Variants in OSBPL9 observed in about 807,000 individuals in gnomAD.
OSBPL9 encodes the protein oxysterol-binding protein-related protein 9.
In OSBPL9, 40 loss-of-function variants were observed where a neutral mutation model predicts 106.6. The ratio of observed to expected loss-of-function variants is 0.38; its 90% CI spans 0.29 to 0.49. The LOEUF (loss-of-function observed/expected upper bound fraction) is 0.49. OSBPL9 is among the 20% of genes least tolerant of loss of function. The pLI, the probability that OSBPL9 is intolerant of heterozygous loss-of-function variation, is 0.97. For missense variants in OSBPL9, 609 were observed against 887.2 expected, an observed-to-expected ratio of 0.69 and a Z score of 3.98; for synonymous variants, 269 against 295.4, an observed-to-expected ratio of 0.91 and a Z score of 0.92.
At chr1:51,673,382 T>C (rs1650373395) in intron 3 of OSBPL9, among the ~76,000 whole-genome samples, 1 of 152,196 alleles carries the variant, frequency 6.6e-6, no homozygotes, top group South Asian at 2.1e-4. Flanking sequence ...AATATAGCAG[T>C]AACCGGAAGG....
intron 3 of OSBPL9, among the ~76,000 whole-genome samples, chr1:51,711,772 A>T (rs1207850329): frequency 6.9e-6 from 1 of 145,690 alleles, no homozygotes; most frequent in Non-Finnish European, 1.5e-5. Context: ...CACATCCCAG[A>T]TGGGGCGGCG....
chr1:51,678,131 T>A (rs1651722195), intron 3 of OSBPL9, among the ~76,000 whole-genome samples: 1 of 152,068 alleles, frequency 6.6e-6, no homozygotes, highest in Admixed American at 6.5e-5. Context: ...TGCAGTGAGC[T>A]AGGATCACAC....
the OSBPL9 span, among the ~76,000 whole-genome samples, chr1:51,555,724 T>C: frequency 6.6e-6 from 1 of 151,812 alleles, no homozygotes; most frequent in Non-Finnish European, 1.5e-5. Context: ...TGTGCCACCA[T>C]GCCCGGCTAA....
intron 2 of OSBPL9, among the ~76,000 whole-genome samples, chr1:51,668,792 T>C (rs920447860): frequency 6.6e-6 from 1 of 152,206 alleles, no homozygotes; most frequent in African/African-American, 2.4e-5. Context: ...ATACTAAGTA[T>C]GTACTTAAGT....
At chr1:51,632,631 TC>T (rs1292995396) in intron 1 of OSBPL9, among the ~76,000 whole-genome samples, 1 of 117,394 alleles carries the variant, frequency 8.5e-6, no homozygotes, top group Non-Finnish European at 1.9e-5. Context: ...CAAAGACTCT[TC>T]CTCTTACCTC....
chr1:51,761,965 A>C lies in OSBPL9; in HGVS notation c.772A>C (p.Ser258Arg). Residue 258 changes from serine to arginine, a missense_variant, in exon 11 of 24, where the codon AGT (serine) becomes CGT (arginine). Physicochemically the swap from Ser to Arg is moderately radical, Grantham distance 110. Around this residue, in one of 5 missense-constraint regions of OSBPL9, gnomAD observed 356 missense variants for 505.8 expected, o/e 0.70. Coordinates refer to ENST00000428468, the MANE Select transcript of OSBPL9 (RefSeq NM_024586.6). ...ACATCATCAGACTCCTACACCAAATAGTACAGGTACAGATTTGCATAATTT... is the reference window on the plus strand; with the variant it reads ...ACATCATCAGACTCCTACACCAAATCGTACAGGTACAGATTTGCATAATTT... ...LGHHQTPTPN[S>R]TGSGHSPPSS... 1 of 1,595,710 alleles carries C rather than the reference A, an allele frequency of 6.3e-7. No individual in the cohort carries two copies. Among genetic ancestry groups the C allele is most frequent in the East Asian group, 2.2e-5 (1 of 44,780 alleles).
the OSBPL9 span, among the ~76,000 whole-genome samples, chr1:51,541,056 G>T: frequency 1.3e-5 from 2 of 151,836 alleles, no homozygotes. Flanking sequence ...GCTTGAACCC[G>T]AGAGGCAGAG....
At chr1:51,727,293 A>C (rs1217790413) in intron 4 of OSBPL9, among the ~76,000 whole-genome samples, 2 of 152,196 alleles carry the variant, frequency 1.3e-5, no homozygotes, top group Non-Finnish European at 2.9e-5. Context: ...ATCTGGCAAA[A>C]TTGATGTTTT....
intron 3 of OSBPL9, among the ~76,000 whole-genome samples, chr1:51,706,296 T>C (rs1658522977): frequency 6.6e-6 from 1 of 152,228 alleles, no homozygotes; most frequent in African/African-American, 2.4e-5. Flanking sequence ...ATCTAGGTTT[T>C]TAAAGTTGTT....
intron 16 of OSBPL9, chr1:51,781,589 A>G (rs1676403598): frequency 3.0e-6 from 1 of 335,968 alleles, no homozygotes; most frequent in African/African-American, 2.1e-5. Flanking sequence ...GCTTTTCAGG[A>G]TCTCATTTTT....
rs771694144 is a variant in OSBPL9 at position 51,650,074 on chromosome 1, G to T, written c.112-1917G>T. Among the ~76,000 whole-genome samples the T allele has an allele frequency of 6.6e-5, 10 of 151,786 alleles. No homozygotes were observed. In the South Asian group the frequency reaches 2.1e-3, roughly 32 times the overall value. On this transcript the variant is annotated intron_variant, in intron 1 of 23. Transcript: ENST00000428468. ...GTATTTTTTGTAGAGATAGAGTTTC[G>T]CCATGTTGCCCAGGCCGACCTCAAA...
At chr1:51,711,003 T>C (rs1659679299) in intron 3 of OSBPL9, among the ~76,000 whole-genome samples, 1 of 152,192 alleles carries the variant, frequency 6.6e-6, no homozygotes, top group African/African-American at 2.4e-5. Context: ...TCTCATACGC[T>C]GTATTGCTTA....
intron 1 of OSBPL9, among the ~76,000 whole-genome samples, chr1:51,619,298 C>T (rs1055015751): frequency 6.6e-6 from 1 of 152,164 alleles, no homozygotes; most frequent in Non-Finnish European, 1.5e-5. Context: ...AGGCCCCCAG[C>T]TGAGGTTCTT....
At position 51,732,499 on chromosome 1, in the gene OSBPL9, G is replaced by A. The variant is rs376465815; in HGVS notation, c.319-13037G>A. On this transcript the variant is annotated intron_variant, in intron 4 of 23. Transcript: ENST00000428468. Reference sequence around the variant, plus strand: ...TATACTGACAATGTAATTAAGCCACGTATTCCTCCTTAAATATTTTAATGA... The same window carrying A: ...TATACTGACAATGTAATTAAGCCACATATTCCTCCTTAAATATTTTAATGA... Among the ~76,000 whole-genome samples the A allele has an allele frequency of 7.7e-4, 117 of 152,286 alleles. 1 individual carries two copies. Among genetic ancestry groups the A allele is most frequent in the African/African-American group, 2.7e-3 (114 of 41,554 alleles).
chr1:51,723,828 TTATGTGGATG>T (rs545843511), intron 4 of OSBPL9, among the ~76,000 whole-genome samples: 162 of 152,318 alleles, frequency 1.1e-3, no homozygotes, highest in African/African-American at 3.6e-3. Context: ...TATACAAGTT[TTATGTGGATG>T]TATGTTGTCA....
intron 1 of OSBPL9, among the ~76,000 whole-genome samples, chr1:51,586,328 T>C (rs1258673439): frequency 6.6e-6 from 1 of 152,124 alleles, no homozygotes; most frequent in Admixed American, 6.6e-5. Context: ...AAATATATTT[T>C]ACAGTGACTA....
At chr1:51,751,215 G>A (rs1206048621) in intron 8 of OSBPL9, among the ~76,000 whole-genome samples, 1 of 152,096 alleles carries the variant, frequency 6.6e-6, no homozygotes, top group African/African-American at 2.4e-5. Context: ...AGCCTCCTGA[G>A]TAGCGAGGTT....
chr1:51,727,696 C>G (rs1388460628), intron 4 of OSBPL9, among the ~76,000 whole-genome samples: 1 of 152,134 alleles, frequency 6.6e-6, no homozygotes, highest in East Asian at 1.9e-4. Flanking sequence ...AATTATGACT[C>G]TATAAAGTTA....
chr1:51,587,538 T>C (rs1373781045), intron 1 of OSBPL9, among the ~76,000 whole-genome samples: 2 of 152,174 alleles, frequency 1.3e-5, no homozygotes, highest in Non-Finnish European at 2.9e-5. Context: ...TCTGCCTAAC[T>C]CTCACAGTCC....
Sources: allele counts gnomAD v4.1 joint callset (sites outside exome capture counted in the v4.1 genomes callset), GRCh38; gene constraint gnomAD v4.1.1; regional missense constraint gnomAD v4.1.1; transcripts MANE v1.5; gene names NCBI Gene and HGNC (gene_info 2026-07-23, HGNC 2026-07-21).